The following MBP variants were observed in gnomAD, a reference collection of about 807,000 sequenced individuals.
The protein encoded by MBP is myelin basic protein.
MBP carries 16 observed loss-of-function variants against 35.8 expected under a neutral mutation model. The observed-to-expected ratio is 0.45, with a 90% CI of 0.30 to 0.68. The LOEUF is 0.68. MBP is among the 30% of genes least tolerant of loss of function. The probability of loss-of-function intolerance (pLI) is 0.08; values close to 1 mark genes in which losing one functional copy is unlikely to be tolerated. For synonymous variants in MBP, 143 were observed against 159.6 expected, an observed-to-expected ratio of 0.90 and a Z score of 0.78; for missense variants, 380 against 404.7, an observed-to-expected ratio of 0.94 and a Z score of 0.52.
In MBP at chr18:77,066,427, T is replaced by C. The variant is rs568251495; in HGVS notation, c.52-42A>G. ...CAACAAACCCTTTTCTTAAGATAAA[T>C]TGTTTTATCAACAAAATAATTGTAA... On this transcript the variant is annotated intron_variant, in intron 2 of 8. Coordinates refer to ENST00000355994, the MANE Select transcript of MBP (RefSeq NM_001025101.2). 8.8e-5 allele frequency: 112 copies of C among 1,269,872 alleles called. 1 individual carries two copies. In the South Asian group the frequency reaches 1.2e-3, roughly 13 times the overall value. The allele number at this position is 1,269,872 out of a possible 1,614,324, so 78.7% of individuals were successfully genotyped here. A position where few individuals can be genotyped will look rare whatever the true frequency, so the allele number is the denominator to read the frequency against.
intron 4 of MBP, among the ~76,000 whole-genome samples, chr18:77,012,222 A>G (rs1971393641): frequency 6.6e-6 from 1 of 152,174 alleles, no homozygotes; most frequent in African/African-American, 2.4e-5. Context: ...AGCCAGCACC[A>G]TCCCCTCATT....
chr18:77,125,479 C>T (rs549492730), intron 1 of MBP, among the ~76,000 whole-genome samples: 6 of 152,120 alleles, frequency 3.9e-5, no homozygotes, highest in East Asian at 3.9e-4. Flanking sequence ...CTCCCCTCCC[C>T]GAGATTAGAA....
At chr18:77,103,256 C>T (rs7228426) in intron 2 of MBP, among the ~76,000 whole-genome samples, 55,936 of 151,972 alleles carry the variant, frequency 0.37, 12,524 homozygotes, top group Non-Finnish European at 0.51. Flanking sequence ...TAAATAAAAA[C>T]GCACTACAGA....
At chr18:77,074,150 C>T (rs1162750427) in intron 2 of MBP, among the ~76,000 whole-genome samples, 1 of 152,152 alleles carries the variant, frequency 6.6e-6, no homozygotes, top group African/African-American at 2.4e-5. Context: ...GTCTGGGGGT[C>T]CTTGGAGGTA....
chr18:76,990,400 A>C (rs908414290), intron 4 of MBP, among the ~76,000 whole-genome samples: 1 of 152,100 alleles, frequency 6.6e-6, no homozygotes, highest in African/African-American at 2.4e-5. Context: ...CATAAAGGGT[A>C]GGGAGGATTC....
At chr18:77,118,527 C>T (rs1286822486) in intron 1 of MBP, among the ~76,000 whole-genome samples, 1 of 151,826 alleles carries the variant, frequency 6.6e-6, no homozygotes, top group African/African-American at 2.4e-5. Context: ...TGCTCGGCAC[C>T]AGGGTTCACA....
intron 3 of MBP, among the ~76,000 whole-genome samples, chr18:77,058,485 C>A (rs1466277947): frequency 6.6e-6 from 1 of 152,170 alleles, no homozygotes; most frequent in Non-Finnish European, 1.5e-5. Context: ...CGACCCCAGG[C>A]CCGGGCACGA....
intron 2 of MBP, 47 bp from the exon 3 acceptor site, chr18:77,066,432 T>C: frequency 8.1e-7 from 1 of 1,228,160 alleles, no homozygotes; most frequent in Non-Finnish European, 1.2e-6. Flanking sequence ...ATAAATTGTT[T>C]TATCAACAAA....
At chr18:77,120,676 C>T (rs754702085) in intron 1 of MBP, among the ~76,000 whole-genome samples, 3 of 152,098 alleles carry the variant, frequency 2.0e-5, no homozygotes, top group Admixed American at 6.5e-5. Flanking sequence ...AAAGTTCACC[C>T]GAGAAAAGGA....
At chr18:76,999,756 G>A (rs1165436267) in intron 4 of MBP, among the ~76,000 whole-genome samples, 2 of 152,010 alleles carry the variant, frequency 1.3e-5, no homozygotes, top group Admixed American at 1.3e-4. Flanking sequence ...ACCACACATG[G>A]CCTGCTTACT....
chr18:77,128,750 G>C (rs1013435343), intron 1 of MBP, among the ~76,000 whole-genome samples: 1 of 152,240 alleles, frequency 6.6e-6, no homozygotes, highest in Non-Finnish European at 1.5e-5. Flanking sequence ...CATTGCTTCA[G>C]TGAATATCCA....
intron 2 of MBP, among the ~76,000 whole-genome samples, chr18:77,074,058 G>GCTCAGGTTTC (rs1185220395): frequency 6.6e-6 from 1 of 152,236 alleles, no homozygotes; most frequent in African/African-American, 2.4e-5. Context: ...TTAGCTCAGA[G>GCTCAGGTTTC]ATGAGACTGA....
chr18:77,069,976 T>C (rs1284040152), intron 2 of MBP, among the ~76,000 whole-genome samples: 1 of 152,226 alleles, frequency 6.6e-6, no homozygotes, highest in Non-Finnish European at 1.5e-5. Flanking sequence ...CATACGGGCC[T>C]GGGAAATTTC....
intron 2 of MBP, among the ~76,000 whole-genome samples, chr18:77,096,606 A>G (rs1975768076): frequency 6.6e-6 from 1 of 152,200 alleles, no homozygotes; most frequent in Non-Finnish European, 1.5e-5. Context: ...AAATAGAAAA[A>G]TCCAGAAATA....
At chr18:77,130,396 G>A (rs1977201916) in intron 1 of MBP, among the ~76,000 whole-genome samples, 1 of 133,174 alleles carries the variant, frequency 7.5e-6, no homozygotes, top group South Asian at 2.4e-4. Flanking sequence ...TTCCTCAACA[G>A]TAAAAAATGA....
At chr18:77,126,363 A>G (rs1977049247) in intron 1 of MBP, among the ~76,000 whole-genome samples, 1 of 152,226 alleles carries the variant, frequency 6.6e-6, no homozygotes, top group African/African-American at 2.4e-5. Context: ...ATTTGACAAA[A>G]TACAACACAC....
chr18:76,985,321 G>A, intron 7 of MBP: 1 of 1,294,230 alleles, frequency 7.7e-7, no homozygotes, highest in Middle Eastern at 2.2e-4. Flanking sequence ...GCGCTGTGTA[G>A]GTGCCGGTCC....
At chr18:77,040,584 T>A (rs470533) in intron 3 of MBP, among the ~76,000 whole-genome samples, 3 of 152,158 alleles carry the variant, frequency 2.0e-5, no homozygotes, top group Non-Finnish European at 4.4e-5. Context: ...ACAACAGATA[T>A]GTAGACCAAT....
chr18:76,982,189 A>C (rs1439584994), intron 8 of MBP: 1 of 152,230 alleles, frequency 6.6e-6, no homozygotes, highest in Non-Finnish European at 1.5e-5. Context: ...TCAGGAGCCA[A>C]AGCTCAGCCA....
Sources: allele counts gnomAD v4.1 joint callset (sites outside exome capture counted in the v4.1 genomes callset), GRCh38; gene constraint gnomAD v4.1.1; transcripts MANE v1.5; gene names NCBI Gene and HGNC (gene_info 2026-07-23, HGNC 2026-07-21).